The following PIGF variants were observed in gnomAD, a reference collection of about 807,000 sequenced individuals.
PIGF encodes the protein GPI ethanolamine phosphate transferase, stabilizing subunit.
In PIGF, 23 loss-of-function variants were observed where a neutral mutation model predicts 26.0. That is an observed-to-expected ratio of 0.88 (90% CI 0.64 to 1.25). The LOEUF is 1.25. Among genes scored for constraint, PIGF ranks in the 50% most tolerant of loss-of-function variants. PIGF has a pLI of 0.00. For synonymous variants in PIGF, 93 were observed against 92.6 expected (o/e 1.00, Z -0.03); for missense variants, 278 against 249.9 (o/e 1.11, Z -0.76).
chr2:46,597,321 T>C (rs1669918254), intron 4 of PIGF, among the ~76,000 whole-genome samples: 2 of 152,180 alleles, frequency 1.3e-5, no homozygotes, highest in Admixed American at 6.5e-5. Flanking sequence ...AAAGGGTACA[T>C]GGAAAATAGA....
chr2:46,585,744 G>A (rs1669551046), intron 5 of PIGF, among the ~76,000 whole-genome samples: 1 of 152,082 alleles, frequency 6.6e-6, no homozygotes, highest in Admixed American at 6.5e-5. Flanking sequence ...GTAGGAAGTG[G>A]TAGGAACTAT....
chr2:46,616,814 G>C (rs946481167), intron 1 of PIGF, 156 bp downstream of exon 1: 28 of 202,568 alleles, frequency 1.4e-4, no homozygotes, highest in African/African-American at 6.4e-4. Context: ...GGATCCGAAA[G>C]GGGGTCTGTC....
chr2:46,594,260 C>G (rs1282645698), intron 4 of PIGF, among the ~76,000 whole-genome samples: 1 of 152,172 alleles, frequency 6.6e-6, no homozygotes, highest in Non-Finnish European at 1.5e-5. Context: ...TAACACACAC[C>G]TCCTCTATAC....
At chr2:46,598,084 T>G (rs1419216029) in intron 4 of PIGF, among the ~76,000 whole-genome samples, 1 of 152,176 alleles carries the variant, frequency 6.6e-6, no homozygotes, top group Non-Finnish European at 1.5e-5. Flanking sequence ...TTTTGCAATC[T>G]TTACCTTTTT....
chr2:46,594,557 C>T (rs1380238376), intron 4 of PIGF, among the ~76,000 whole-genome samples: 2 of 146,706 alleles, frequency 1.4e-5, no homozygotes, highest in African/African-American at 2.5e-5. Flanking sequence ...TTTTTTGAGA[C>T]GGAGTTTCGC....
At chr2:46,605,455 A>G (rs989611941) in intron 4 of PIGF, among the ~76,000 whole-genome samples, 1 of 152,140 alleles carries the variant, frequency 6.6e-6, no homozygotes, top group Non-Finnish European at 1.5e-5. Flanking sequence ...GACAAATTGC[A>G]GTAAGGACTG....
In PIGF at chr2:46,612,250, G is replaced by C. The variant is rs370735799; in HGVS notation, c.415C>G (p.Leu139Val). ...CLLGPNLKAW[L>V]RVFSRNGVTS... The stretch of plus-strand genomic sequence containing the variant: ...TACCCATTTCTACTGAACACTCTTA[G>C]CCATGCTTTGAGGTTTGGTCCTAAC... The change falls in exon 4 of 6, where the codon CTA (leucine) becomes GTA (valine). Residue 139 changes from leucine to valine, a missense_variant. Physicochemically the swap from Leu to Val is conservative, Grantham distance 32. Coordinates refer to ENST00000281382, the MANE Select transcript of PIGF (RefSeq NM_002643.4). 4 of 1,344,562 alleles carry C rather than the reference G, an allele frequency of 3.0e-6. No individual in the cohort carries two copies. Among genetic ancestry groups the C allele is most frequent in the Admixed American group, 5.5e-5 (2 of 36,182 alleles). 83.3% of individuals were successfully genotyped at this position (1,344,562 alleles called of 1,614,324 possible).
chr2:46,596,467 A>G (rs1337619145), intron 4 of PIGF, among the ~76,000 whole-genome samples: 2 of 152,174 alleles, frequency 1.3e-5, no homozygotes, highest in African/African-American at 2.4e-5. Context: ...AAAAATAGAA[A>G]AACTCTGTAG....
At chr2:46,616,330 G>A (rs1670626418) in intron 1 of PIGF, 1 of 152,202 alleles carries the variant, frequency 6.6e-6, no homozygotes, top group Non-Finnish European at 1.5e-5. Context: ...GCTGATTGAG[G>A]GAGGGCAAGG....
At chr2:46,615,254 C>T (rs1243318687) in intron 1 of PIGF, 69 bp from the exon 2 acceptor site, 4 of 695,340 alleles carry the variant, frequency 5.8e-6, no homozygotes, top group South Asian at 1.8e-5. Flanking sequence ...ATGTTTTGAC[C>T]CCTAAAAATA....
At chr2:46,592,353 G>A in intron 5 of PIGF, 122 bp downstream of exon 5, 1 of 639,164 alleles carries the variant, frequency 1.6e-6, no homozygotes, top group Non-Finnish European at 2.9e-6. Flanking sequence ...GTGACTGATA[G>A]AAGTGGTATC....
chr2:46,616,867 C>A, intron 1 of PIGF, 103 bp downstream of exon 1: 1 of 312,610 alleles, frequency 3.2e-6, no homozygotes, highest in South Asian at 3.0e-5. Flanking sequence ...TGACGGCGAG[C>A]GCCGGCGGGT....
chr2:46,590,990 T>C (rs993866617), intron 5 of PIGF, among the ~76,000 whole-genome samples: 1 of 152,212 alleles, frequency 6.6e-6, no homozygotes, highest in Non-Finnish European at 1.5e-5. Context: ...ACAATCTGGA[T>C]CCCACATTTG....
chr2:46,596,106 C>T (rs1248704361), intron 4 of PIGF, among the ~76,000 whole-genome samples: 2 of 151,008 alleles, frequency 1.3e-5, no homozygotes, highest in Admixed American at 6.6e-5. Context: ...CCCAGCTACT[C>T]GGGAGGCTGA....
In PIGF at chr2:46,589,665, T is replaced by C. The variant is rs1477275279; in HGVS notation, c.546+2810A>G. Among the ~76,000 whole-genome samples, 1 of 152,044 alleles carries C rather than the reference T, an allele frequency of 6.6e-6. No individual in the cohort carries two copies. The highest frequency in any genetic ancestry group is 1.9e-4 in the East Asian group (1 of 5,204). On this transcript the variant is annotated intron_variant, in intron 5 of 5. Coordinates refer to ENST00000281382, the MANE Select transcript of PIGF (RefSeq NM_002643.4). This position sits in a 1 kb window ranked among gnomAD's most constrained non-coding sequence, Gnocchi z 4.7. ...ACAAGGAACACAGAACAAGAATCTCTTAATACATGTTCTATTTTAGATAAT... is the reference window on the plus strand; with the variant it reads ...ACAAGGAACACAGAACAAGAATCTCCTAATACATGTTCTATTTTAGATAAT...
chr2:46,608,795 G>T (rs1670305706), intron 4 of PIGF, among the ~76,000 whole-genome samples: 1 of 152,082 alleles, frequency 6.6e-6, no homozygotes, highest in Non-Finnish European at 1.5e-5. Context: ...TGAGCAGTAG[G>T]TCTCAAAAGT....
rs554246935 is a variant in PIGF, at chr2:46,610,937, A to G, written c.437+1291T>C. ...CTGTTACCTTTCAAATCACACAAAA[A>G]TACCCTGTTCATTTCAGTTTCAATG... On this transcript the variant is annotated intron_variant, in intron 4 of 5. Coordinates refer to ENST00000281382, the MANE Select transcript of PIGF (RefSeq NM_002643.4). Among the ~76,000 whole-genome samples the G allele has an allele frequency of 8.6e-4, 131 of 152,284 alleles. 1 individual carries two copies. Among genetic ancestry groups the G allele is most frequent in the Non-Finnish European group, 1.4e-3 (98 of 68,018 alleles).
chr2:46,597,494 C>T (rs982431735), intron 4 of PIGF, among the ~76,000 whole-genome samples: 4 of 151,806 alleles, frequency 2.6e-5, no homozygotes, highest in African/African-American at 4.8e-5. Flanking sequence ...CTTACTGCAA[C>T]GTCTGCCTCC....
chr2:46,612,243 A>T lies in PIGF; in HGVS notation c.422T>A (p.Val141Glu), dbSNP rs1670443032. Residue 141 changes from valine to glutamate, a missense_variant, in exon 4 of 6, where the codon GTG (valine) becomes GAG (glutamate). Transcript: ENST00000281382. ...LGPNLKAWLRVFSRNGVTSIW... is the reference protein window; with the variant it reads ...LGPNLKAWLREFSRNGVTSIW... The stretch of plus-strand genomic sequence containing the variant: ...TAAAACTTACCCATTTCTACTGAAC[A>T]CTCTTAGCCATGCTTTGAGGTTTGG... 8.1e-7 allele frequency: 1 copy of T among 1,229,756 alleles called. No individual in the cohort carries two copies. Among genetic ancestry groups the T allele is most frequent in the African/African-American group, 1.6e-5 (1 of 63,212 alleles). The allele number at this position is 1,229,756 out of a possible 1,614,324, so 76.2% of individuals were successfully genotyped here. A position where few individuals can be genotyped will look rare whatever the true frequency, so the allele number is the denominator to read the frequency against.
Sources: allele counts gnomAD v4.1 joint callset (sites outside exome capture counted in the v4.1 genomes callset), GRCh38; gene constraint gnomAD v4.1.1; non-coding constraint Gnocchi (gnomAD v3.1); transcripts MANE v1.5; gene names NCBI Gene and HGNC (gene_info 2026-07-23, HGNC 2026-07-21).